Variants in EMILIN2 observed in about 807,000 individuals in gnomAD.
EMILIN2 encodes elastin microfibril interfacer 2.
In EMILIN2, 71 loss-of-function variants were observed where a neutral mutation model predicts 87.1. The observed-to-expected ratio is 0.82, with a 90% CI of 0.67 to 0.99. The LOEUF (loss-of-function observed/expected upper bound fraction) is 0.99. Ranked by LOEUF, EMILIN2 falls within the 50% of genes least tolerant of loss-of-function variation. The probability of loss-of-function intolerance (pLI) is 0.00; values close to 1 mark genes in which losing one functional copy is unlikely to be tolerated. For synonymous variants in EMILIN2, 581 were observed against 563.4 expected, an observed-to-expected ratio of 1.03 and a Z score of -0.44; for missense variants, 1,407 against 1,371.8, an observed-to-expected ratio of 1.03 and a Z score of -0.40.
intron 3 of EMILIN2, 73 bp downstream of exon 3, chr18:2,885,212 G>T: frequency 1.4e-6 from 2 of 1,470,352 alleles, no homozygotes; most frequent in Non-Finnish European, 1.8e-6. Context: ...AACAGGATTT[G>T]TGCTTTACAA....
intron 2 of EMILIN2, among the ~76,000 whole-genome samples, chr18:2,883,777 G>A (rs2076789050): frequency 6.6e-6 from 1 of 152,178 alleles, no homozygotes; most frequent in Admixed American, 6.5e-5. Flanking sequence ...TTCCAATTCT[G>A]CTTCCTGATT....
intron 4 of EMILIN2, among the ~76,000 whole-genome samples, chr18:2,898,994 A>G (rs984650297): frequency 6.6e-6 from 1 of 152,150 alleles, no homozygotes; most frequent in Non-Finnish European, 1.5e-5. Flanking sequence ...CAGCTGCTCT[A>G]CTGCATCTTA....
intron 4 of EMILIN2, among the ~76,000 whole-genome samples, chr18:2,902,942 GAGGAC>G (rs2144060845): frequency 6.6e-6 from 1 of 152,264 alleles, no homozygotes; most frequent in Non-Finnish European, 1.5e-5. Flanking sequence ...ACGGGTTGGT[GAGGAC>G]AGGGGAGAAA....
At chr18:2,850,495 T>A (rs1190810779) in intron 2 of EMILIN2, among the ~76,000 whole-genome samples, 2 of 151,948 alleles carry the variant, frequency 1.3e-5, no homozygotes, top group African/African-American at 4.8e-5. Flanking sequence ...AACCTCTAAC[T>A]GTTCGGCTCA....
chr18:2,860,310 A>G (rs902878064), intron 2 of EMILIN2, among the ~76,000 whole-genome samples: 1 of 152,090 alleles, frequency 6.6e-6, no homozygotes, highest in Non-Finnish European at 1.5e-5. Context: ...ATAGGTATAC[A>G]TGTGCCGTGT....
At chr18:2,908,800 G>A in intron 5 of EMILIN2, 143 bp from the exon 6 acceptor site, 2 of 935,084 alleles carry the variant, frequency 2.1e-6, no homozygotes, top group Non-Finnish European at 3.5e-6. Context: ...GGCAGTGACA[G>A]TGGGTGCCCT....
At position 2,884,977 on chromosome 18, in the gene EMILIN2, T is replaced by C; in HGVS notation, c.271T>C (p.Phe91Leu). 1 of 1,603,120 alleles carries C rather than the reference T, an allele frequency of 6.2e-7. No individual in the cohort carries two copies. The highest frequency in any genetic ancestry group is 1.3e-5 in the African/African-American group (1 of 74,644). ...CPSALVYRVN[F>L]RPRYVTRYKT... ...TTCTGTCCACAGGTATCGAGTGAAC[T>C]TCAGACCTAGATATGTCACTAGGTA... is the stretch of plus-strand genomic sequence containing the variant. The change falls in exon 3 of 8, where the codon TTC (phenylalanine) becomes CTC (leucine). Residue 91 changes from phenylalanine (F) to leucine (L), a missense_variant. Coordinates refer to ENST00000254528, the MANE Select transcript of EMILIN2 (RefSeq NM_032048.3).
rs546620136 is a variant in EMILIN2, at chr18:2,891,234, A to C, written c.1107A>C (p.Ile369=). The C allele has an allele frequency of 4.3e-6, 7 of 1,614,188 alleles. No homozygotes were observed. The African/African-American group carries it at 8.0e-5, about 18-fold the overall frequency. ...GSSYLGVIEL[I]GEKETSLRKE... ...GCTACCTGGGAGTGATAGAGCTCATAGGGGAGAAGGAAACAAGCCTGAGAA... is the reference window on the plus strand; with the variant it reads ...GCTACCTGGGAGTGATAGAGCTCATCGGGGAGAAGGAAACAAGCCTGAGAA... Residue 369 remains isoleucine (I), a synonymous_variant, in exon 4 of 8, where the codon ATA becomes ATC. Coordinates refer to ENST00000254528, the MANE Select transcript of EMILIN2 (RefSeq NM_032048.3). The surrounding 1 kb of genome is among the most constrained non-coding windows in gnomAD (Gnocchi z 4.6).
rs201665248 is a variant in EMILIN2 at position 2,891,161 on chromosome 18, A to G, written c.1034A>G (p.Glu345Gly). ...RKLADLKNSC[E>G]YKLTGLQQQC... is the part of the protein sequence containing the mutation. ...CTGGCTGACCTGAAAAACTCATGTG[A>G]GTACAAGCTCACTGGCCTCCAGCAG... is the stretch of plus-strand genomic sequence containing the variant. Residue 345 changes from glutamate to glycine, a missense_variant, in exon 4 of 8, where the codon GAG (glutamate) becomes GGG (glycine). Transcript: ENST00000254528. This position sits in a 1 kb window ranked among gnomAD's most constrained non-coding sequence, Gnocchi z 4.6. 4 of 1,614,248 alleles carry G rather than the reference A, an allele frequency of 2.5e-6. No individual in the cohort carries two copies. The highest frequency in any genetic ancestry group is 3.4e-6 in the Non-Finnish European group (4 of 1,180,052).
upstream of EMILIN2, chr18:2,846,679 G>A: frequency 1.1e-6 from 1 of 877,678 alleles, no homozygotes; most frequent in Non-Finnish European, 1.4e-6. This position sits in a 1 kb window ranked among gnomAD's most constrained non-coding sequence, Gnocchi z 5.3. Flanking sequence ...CAGGCACGAC[G>A]CGAGGACGGC....
At chr18:2,854,300 G>A (rs1398791920) in intron 2 of EMILIN2, among the ~76,000 whole-genome samples, 1 of 152,100 alleles carries the variant, frequency 6.6e-6, no homozygotes, top group African/African-American at 2.4e-5. Context: ...AGGGATCTGG[G>A]TGGGGCCAAC....
At chr18:2,860,795 T>G (rs2076657001) in intron 2 of EMILIN2, among the ~76,000 whole-genome samples, 1 of 152,214 alleles carries the variant, frequency 6.6e-6, no homozygotes, top group African/African-American at 2.4e-5. Flanking sequence ...TAGTTCTAGA[T>G]CCCTGAGGAA....
At position 2,864,079 on chromosome 18, in the gene EMILIN2, C is replaced by T. The variant is rs556380387; in HGVS notation, c.257+16148C>T. Among the ~76,000 whole-genome samples the T allele has an allele frequency of 1.4e-4, 22 of 152,244 alleles. No individual in the cohort carries two copies. In the East Asian group the frequency reaches 3.3e-3, roughly 23 times the overall value. ...TTTGTTTTCCATTTGCTTGGTAGAT[C>T]TTCCTCCATCCCTTTATTTTGAGTC... On this transcript the variant is annotated intron_variant, in intron 2 of 7. Transcript: ENST00000254528.
intron 7 of EMILIN2, among the ~76,000 whole-genome samples, chr18:2,911,887 G>A (rs942246073): frequency 6.6e-6 from 1 of 152,192 alleles, no homozygotes; most frequent in Non-Finnish European, 1.5e-5. Context: ...AAACGCCAGG[G>A]CTGGTGCTGG....
intron 2 of EMILIN2, among the ~76,000 whole-genome samples, chr18:2,878,557 T>C (rs973278959): frequency 1.3e-5 from 2 of 151,948 alleles, no homozygotes; most frequent in African/African-American, 4.8e-5. Context: ...TTGAAAAGAA[T>C]GAATTACTGT....
At position 2,892,423 on chromosome 18, in the gene EMILIN2, T is replaced by C. The variant is rs1190955907; in HGVS notation, c.2296T>C (p.Tyr766His). 1 of 1,613,150 alleles carries C rather than the reference T, an allele frequency of 6.2e-7. No homozygotes were observed. The highest frequency in any genetic ancestry group is 1.3e-5 in the African/African-American group (1 of 74,922). ...CCTGAAGAATTCAGTCCAGCAGTTC[T>C]ACAGCCACGTCTTCCAGATTTCTAC... ...SGLKNSVQQF[Y>H]SHVFQISTDL... The change falls in exon 4 of 8, where the codon TAC becomes CAC. Residue 766 changes from tyrosine to histidine, a missense_variant. Physicochemically the swap from Tyr to His is moderately conservative, Grantham distance 83. Coordinates refer to ENST00000254528, the MANE Select transcript of EMILIN2 (RefSeq NM_032048.3).
In EMILIN2 at chr18:2,910,918, C is replaced by T. The variant is rs181509857; in HGVS notation, c.2824+1099C>T. 2.3e-3 allele frequency among the ~76,000 whole-genome samples: 347 copies of T among 152,312 alleles called. 3 individuals carry two copies. Among genetic ancestry groups the T allele is most frequent in the African/African-American group, 7.7e-3 (321 of 41,568 alleles). On this transcript the variant is annotated intron_variant, in intron 7 of 7. Transcript: ENST00000254528. ...CATCTAAGGTCAGGGCGAGAGGGAA[C>T]GCCACTTACTTTCCACCGCCATGTA...
chr18:2,868,001 C>T lies in EMILIN2; in HGVS notation c.258-16963C>T, dbSNP rs1286458852. Among the ~76,000 whole-genome samples the T allele has an allele frequency of 7.2e-5, 11 of 151,920 alleles. 1 individual carries two copies. Among genetic ancestry groups the T allele is most frequent in the East Asian group, 3.9e-4 (2 of 5,110 alleles). On this transcript the variant is annotated intron_variant, in intron 2 of 7. Coordinates refer to ENST00000254528, the MANE Select transcript of EMILIN2 (RefSeq NM_032048.3). The stretch of plus-strand genomic sequence containing the variant: ...GGGGCTGACCCCCCCACCTCCCTCC[C>T]GGACGGGGTGGCTGCCGGGCGGAGA...
chr18:2,872,645 G>A (rs2143997126), intron 2 of EMILIN2, among the ~76,000 whole-genome samples: 1 of 152,304 alleles, frequency 6.6e-6, no homozygotes, highest in South Asian at 2.1e-4. Context: ...TACTTACTTG[G>A]CAATCTCAGT....
Sources: gnomAD v4.1 joint callset for allele counts (sites outside exome capture counted in the v4.1 genomes callset) on GRCh38, gnomAD v4.1.1 for gene constraint, Gnocchi (gnomAD v3.1) non-coding constraint, MANE v1.5 for transcripts, NCBI Gene and HGNC (gene_info 2026-07-23, HGNC 2026-07-21) for gene names.